GPC6: variants seen among roughly 807,000 people sequenced by gnomAD.
The protein encoded by GPC6 is glypican-6.
In GPC6, 14 loss-of-function variants were observed where a neutral mutation model predicts 55.2. That is an observed-to-expected ratio of 0.25 (90% CI 0.17 to 0.40). The LOEUF (loss-of-function observed/expected upper bound fraction) is 0.40, where lower values mean the gene tolerates loss of function less well. Ranked by LOEUF, GPC6 falls within the 10% of genes least tolerant of loss-of-function variation. GPC6 has a pLI of 1.00. For synonymous variants in GPC6, 278 were observed against 259.6 expected (o/e 1.07, Z -0.68); for missense variants, 641 against 708.5 (o/e 0.90, Z 1.08).
At chr13:94,100,100 T>G (rs899334599) in intron 4 of GPC6, among the ~76,000 whole-genome samples, 2 of 152,118 alleles carry the variant, frequency 1.3e-5, no homozygotes, top group African/African-American at 4.8e-5. Flanking sequence ...CCCCTGAACC[T>G]AAAATAATTG....
At chr13:94,177,422 C>T (rs1888817572) in intron 4 of GPC6, among the ~76,000 whole-genome samples, 1 of 151,552 alleles carries the variant, frequency 6.6e-6, no homozygotes, top group Admixed American at 6.6e-5. Flanking sequence ...ATAAAAAGCT[C>T]CTACATATTG....
intron 4 of GPC6, among the ~76,000 whole-genome samples, chr13:94,136,471 G>A (rs1286329300): frequency 6.6e-6 from 1 of 152,190 alleles, no homozygotes; most frequent in African/African-American, 2.4e-5. Context: ...AGCACTTTGG[G>A]AGGCCGAGGC....
intron 1 of GPC6, among the ~76,000 whole-genome samples, chr13:93,508,184 A>G (rs910261566): frequency 6.6e-6 from 1 of 152,240 alleles, no homozygotes; most frequent in East Asian, 1.9e-4. Flanking sequence ...GGGATAGTCA[A>G]GGTTGTATTT....
chr13:94,174,083 C>T (rs950077044), intron 4 of GPC6, among the ~76,000 whole-genome samples: 1 of 152,026 alleles, frequency 6.6e-6, no homozygotes, highest in Admixed American at 6.6e-5. Context: ...AAATAAGTGA[C>T]AAAAATGAAT....
At chr13:93,696,644 C>T (rs1882466823) in intron 2 of GPC6, among the ~76,000 whole-genome samples, 2 of 143,276 alleles carry the variant, frequency 1.4e-5, no homozygotes, top group Admixed American at 7.1e-5. Flanking sequence ...GGCAGAGTCT[C>T]CCTCTTTTGC....
At chr13:93,984,330 T>A (rs934072113) in intron 3 of GPC6, among the ~76,000 whole-genome samples, 4 of 152,148 alleles carry the variant, frequency 2.6e-5, no homozygotes, top group African/African-American at 4.8e-5. Context: ...TTTACGTAAA[T>A]AGTAAAAAAG....
chr13:93,869,783 T>G (rs1294282718), intron 3 of GPC6, among the ~76,000 whole-genome samples: 1 of 151,864 alleles, frequency 6.6e-6, no homozygotes, highest in Non-Finnish European at 1.5e-5. Context: ...GCATTCTCTC[T>G]AAATATGTTC....
At chr13:94,002,880 A>G (rs1243210315) in intron 3 of GPC6, among the ~76,000 whole-genome samples, 3 of 152,176 alleles carry the variant, frequency 2.0e-5, no homozygotes, top group Non-Finnish European at 4.4e-5. Flanking sequence ...AGGGCCAATT[A>G]CAAAGTGCTT....
chr13:94,369,522 C>T (rs980575984), intron 6 of GPC6, among the ~76,000 whole-genome samples: 1 of 152,156 alleles, frequency 6.6e-6, no homozygotes, highest in Non-Finnish European at 1.5e-5. Flanking sequence ...CTTAGAAAAC[C>T]AAAGGGAAGG....
At chr13:94,008,717 T>A (rs1430003704) in intron 3 of GPC6, among the ~76,000 whole-genome samples, 1 of 152,184 alleles carries the variant, frequency 6.6e-6, no homozygotes, top group Non-Finnish European at 1.5e-5. Context: ...ATATTAACAG[T>A]TAAGACAACA....
At chr13:94,076,924 T>A (rs1884934670) in intron 4 of GPC6, among the ~76,000 whole-genome samples, 1 of 151,456 alleles carries the variant, frequency 6.6e-6, no homozygotes, top group African/African-American at 2.4e-5. Context: ...TGCCTCCAGC[T>A]TTGTTCTTTT....
chr13:93,568,638 G>T (rs953730433), intron 2 of GPC6, among the ~76,000 whole-genome samples: 1 of 152,144 alleles, frequency 6.6e-6, no homozygotes. Context: ...TGAGAGCTGA[G>T]CTGTACTGCC....
At chr13:94,138,177 G>C (rs1001126036) in intron 4 of GPC6, among the ~76,000 whole-genome samples, 1 of 152,030 alleles carries the variant, frequency 6.6e-6, no homozygotes, top group Non-Finnish European at 1.5e-5. Flanking sequence ...GGAGCATTTT[G>C]GATTTCGGGT....
chr13:94,402,870 C>T, intron 8 of GPC6, 145 bp from the exon 9 acceptor site: 1 of 765,962 alleles, frequency 1.3e-6, no homozygotes, highest in Non-Finnish European at 2.3e-6. Context: ...GGGGAAACCA[C>T]CACCATGATT....
chr13:93,439,844 G>C (rs1877722621), intron 1 of GPC6, among the ~76,000 whole-genome samples: 1 of 151,964 alleles, frequency 6.6e-6, no homozygotes, highest in Non-Finnish European at 1.5e-5. Context: ...GTACCTTCTT[G>C]TCATCATTTC....
At chr13:93,741,101 G>A (rs952214476) in intron 2 of GPC6, among the ~76,000 whole-genome samples, 5 of 145,738 alleles carry the variant, frequency 3.4e-5, no homozygotes, top group Admixed American at 6.9e-5. Context: ...GTAGTATACC[G>A]ATACCCATCC....
At chr13:93,705,004 A>G (rs1882799595) in intron 2 of GPC6, among the ~76,000 whole-genome samples, 1 of 151,938 alleles carries the variant, frequency 6.6e-6, no homozygotes, top group Non-Finnish European at 1.5e-5. Context: ...CACTTAGATT[A>G]CACCTGTATT....
At chr13:93,636,297 A>T (rs943625758) in intron 2 of GPC6, among the ~76,000 whole-genome samples, 8 of 152,280 alleles carry the variant, frequency 5.3e-5, no homozygotes, top group African/African-American at 1.9e-4. Flanking sequence ...CATTGTTGGG[A>T]TGAAATAAAC....
chr13:93,322,431 C>CTTTTTTTTTTTTTTTTTT (rs71272281), intron 1 of GPC6, among the ~76,000 whole-genome samples: 95 of 96,760 alleles, frequency 9.8e-4, no homozygotes, highest in East Asian at 1.5e-3. Flanking sequence ...TTTCTTTCTT[C>CTTTTTTTTTTTTTTTTTT]TTTTTTTTTT....
Sources: gnomAD v4.1 joint callset for allele counts (sites outside exome capture counted in the v4.1 genomes callset) on GRCh38, gnomAD v4.1.1 for gene constraint, MANE v1.5 for transcripts, NCBI Gene and HGNC (gene_info 2026-07-23, HGNC 2026-07-21) for gene names.